Variants in TTLL7 observed in about 807,000 individuals in gnomAD.
TTLL7 encodes the protein tubulin tyrosine ligase like 7.
Under a neutral mutation model 120.2 loss-of-function variants are expected in TTLL7, and 53 were observed. The observed-to-expected ratio is 0.44, with a 90% CI of 0.35 to 0.55. The LOEUF (loss-of-function observed/expected upper bound fraction) is 0.55. TTLL7 is among the 20% of genes least tolerant of loss of function. The pLI is 0.00. For synonymous variants in TTLL7, 353 were observed against 351.7 expected (o/e 1.00, Z -0.04); for missense variants, 803 against 1,054.7 (o/e 0.76, Z 3.31).
At chr1:83,968,700 A>G (rs1434112435) in intron 1 of TTLL7, among the ~76,000 whole-genome samples, 1 of 152,020 alleles carries the variant, frequency 6.6e-6, no homozygotes, top group Non-Finnish European at 1.5e-5. Flanking sequence ...TACATGGAGT[A>G]CTCATCTTAT....
intron 20 of TTLL7, among the ~76,000 whole-genome samples, chr1:83,870,945 A>T (rs180902161): frequency 0.041 from 6,257 of 151,758 alleles, 151 homozygotes; most frequent in Middle Eastern, 0.096. Flanking sequence ...GGTTGCATGT[A>T]ACCCTTGCAG....
chr1:83,943,541 T>C (rs1020436015), intron 6 of TTLL7, among the ~76,000 whole-genome samples: 1 of 152,176 alleles, frequency 6.6e-6, no homozygotes, highest in East Asian at 1.9e-4. Flanking sequence ...TTTTGTTCTG[T>C]TTAAGGAAAT....
intron 1 of TTLL7, among the ~76,000 whole-genome samples, chr1:83,985,537 C>G (rs1369806063): frequency 6.6e-6 from 1 of 152,228 alleles, no homozygotes; most frequent in Non-Finnish European, 1.5e-5. Flanking sequence ...TCAATCCAAC[C>G]AAGTTGACAC....
intron 18 of TTLL7, among the ~76,000 whole-genome samples, chr1:83,891,489 C>T (rs942789487): frequency 1.6e-4 from 24 of 151,962 alleles, no homozygotes; most frequent in Non-Finnish European, 1.0e-4. Context: ...GGTGCACAAA[C>T]GGGAAAACAG....
chr1:83,911,032 A>C (rs1657631175), intron 15 of TTLL7, 133 bp downstream of exon 15: 1 of 696,648 alleles, frequency 1.4e-6, no homozygotes, highest in Non-Finnish European at 2.4e-6. Flanking sequence ...CTGGTTAGGG[A>C]AGGAAGTGGG....
At chr1:83,982,611 G>A (rs1006440241) in intron 1 of TTLL7, among the ~76,000 whole-genome samples, 4 of 152,018 alleles carry the variant, frequency 2.6e-5, no homozygotes, top group East Asian at 1.9e-4. Flanking sequence ...CTGAAAGATC[G>A]CTACAGGGAG....
chr1:83,872,771 T>A lies in TTLL7; in HGVS notation c.2544-2689A>T, dbSNP rs79687150. The stretch of plus-strand genomic sequence containing the variant: ...ACAAATATTTAAATAGTGTTTTCTA[T>A]GTGCCCAGCACTATTCGAATTGCTT... On this transcript the variant is annotated intron_variant, in intron 20 of 20. Transcript: ENST00000260505. 1.5e-3 allele frequency among the ~76,000 whole-genome samples: 229 copies of A among 152,368 alleles called. 6 individuals carry two copies. The East Asian group carries it at 0.04, about 27-fold the overall frequency.
intron 9 of TTLL7, among the ~76,000 whole-genome samples, chr1:83,929,990 A>G (rs1659462347): frequency 6.6e-6 from 1 of 152,172 alleles, no homozygotes; most frequent in Admixed American, 6.6e-5. Context: ...AATTGAAAGC[A>G]TTCATTCCAC....
At chr1:83,949,000 C>A in intron 4 of TTLL7, 1 of 207,164 alleles carries the variant, frequency 4.8e-6, no homozygotes, top group Non-Finnish European at 9.7e-6. Flanking sequence ...ATTCTAGATT[C>A]ACTATATTCA....
chr1:83,900,940 A>G lies in TTLL7; in HGVS notation c.2208+3139T>C, dbSNP rs568956145. Among the ~76,000 whole-genome samples the G allele has an allele frequency of 2.0e-5, 3 of 151,890 alleles. No individual in the cohort carries two copies. The South Asian group carries it at 6.2e-4, about 32-fold the overall frequency. ...GTTTTTTACTTGTTTTTTCCTCTTCATTAGTAAGGTCAAGGATCTATTTAC... is the reference window on the plus strand; with the variant it reads ...GTTTTTTACTTGTTTTTTCCTCTTCGTTAGTAAGGTCAAGGATCTATTTAC... On this transcript the variant is annotated intron_variant, in intron 18 of 20. Coordinates refer to ENST00000260505, the MANE Select transcript of TTLL7 (RefSeq NM_024686.6).
In TTLL7 at chr1:83,896,175, C is replaced by T. The variant is rs1038377982; in HGVS notation, c.2209-5694G>A. On this transcript the variant is annotated intron_variant, in intron 18 of 20. Coordinates refer to ENST00000260505, the MANE Select transcript of TTLL7 (RefSeq NM_024686.6). The stretch of plus-strand genomic sequence containing the variant: ...ACAAAAATAAATGATCAGCAAGGTG[C>T]CCTTGTGTTATCTGTGGGCTTACGT... 3.3e-5 allele frequency among the ~76,000 whole-genome samples: 5 copies of T among 151,954 alleles called. No individual in the cohort carries two copies. The South Asian group carries it at 1.0e-3, about 31-fold the overall frequency.
At chr1:83,951,052 G>A (rs143816897) in intron 3 of TTLL7, among the ~76,000 whole-genome samples, 3 of 152,122 alleles carry the variant, frequency 2.0e-5, no homozygotes, top group East Asian at 3.9e-4. Context: ...TGGCAGTTAC[G>A]TTTAGAAGGA....
At position 83,866,339 on chromosome 1, in the gene TTLL7, A is replaced by G. The variant is rs1303990413; in HGVS notation, c.*3623T>C. ...TTAACTATTAGTACTTTGACATGCT[A>G]AAGAAGAACGTATTTGGATTATTAA... On this transcript the variant is annotated 3_prime_UTR_variant, in exon 21 of 21. Coordinates refer to ENST00000260505, the MANE Select transcript of TTLL7 (RefSeq NM_024686.6). The G allele has an allele frequency of 6.6e-6, 1 of 151,878 alleles. No individual in the cohort carries two copies. The highest frequency in any genetic ancestry group is 1.5e-5 in the Non-Finnish European group (1 of 67,772). The allele number at this position is 151,878 out of a possible 1,614,324, so 9.4% of individuals were successfully genotyped here.
At chr1:83,892,955 G>GAAAGAAAGAAAGAA (rs1246789021) in intron 18 of TTLL7, among the ~76,000 whole-genome samples, 2 of 78,930 alleles carry the variant, frequency 2.5e-5, no homozygotes, top group African/African-American at 8.4e-5. Context: ...AGAAAGAAAA[G>GAAAGAAAGAAAGAA]AATAAAAGAA....
At chr1:83,909,178 T>C (rs1347396640) in intron 15 of TTLL7, among the ~76,000 whole-genome samples, 2 of 151,764 alleles carry the variant, frequency 1.3e-5, no homozygotes, top group Non-Finnish European at 2.9e-5. Context: ...TTTGAGGGGT[T>C]ATGGTAATGG....
intron 1 of TTLL7, among the ~76,000 whole-genome samples, chr1:83,967,042 CTT>C (rs1650526424): frequency 6.6e-6 from 1 of 152,062 alleles, no homozygotes; most frequent in African/African-American, 2.4e-5. Flanking sequence ...AATTTTCCCT[CTT>C]TTGTATGGAT....
intron 15 of TTLL7, among the ~76,000 whole-genome samples, chr1:83,909,347 T>C (rs1025691614): frequency 6.8e-6 from 1 of 147,958 alleles, no homozygotes; most frequent in South Asian, 2.2e-4. Context: ...GCCAATGATG[T>C]TTGGGTAGGT....
intron 20 of TTLL7, chr1:83,879,815 C>T (rs1202614218): frequency 6.6e-6 from 1 of 151,954 alleles, no homozygotes; most frequent in Non-Finnish European, 1.5e-5. Context: ...GTCCAGAAGT[C>T]AAGATTCCGT....
At chr1:83,912,425 G>C (rs1657761431) in intron 14 of TTLL7, 2 of 152,124 alleles carry the variant, frequency 1.3e-5, no homozygotes, top group African/African-American at 4.8e-5. Flanking sequence ...CATTCTAAGA[G>C]ACTATTTATT....
Sources: allele counts gnomAD v4.1 joint callset (sites outside exome capture counted in the v4.1 genomes callset), GRCh38; gene constraint gnomAD v4.1.1; transcripts MANE v1.5; gene names NCBI Gene and HGNC (gene_info 2026-07-23, HGNC 2026-07-21).